OCLN: variants seen among roughly 807,000 people sequenced by gnomAD.
OCLN encodes phosphatase 1, regulatory subunit 115.
In OCLN, 21 loss-of-function variants were observed where a neutral mutation model predicts 47.9. The ratio of observed to expected loss-of-function variants is 0.44; its 90% confidence interval spans 0.31 to 0.63. OCLN has a LOEUF of 0.63. Among genes scored for constraint, OCLN ranks in the 30% least tolerant of loss-of-function variants. OCLN has a pLI of 0.08. For synonymous variants in OCLN, 117 were observed against 198.4 expected, an observed-to-expected ratio of 0.59 and a Z score of 3.45; for missense variants, 360 against 571.0, an observed-to-expected ratio of 0.63 and a Z score of 3.77.
chr5:69,503,957 A>G (rs941691843), intron 1 of OCLN, among the ~76,000 whole-genome samples: 1 of 152,142 alleles, frequency 6.6e-6, no homozygotes, highest in Middle Eastern at 3.2e-3. Flanking sequence ...GGAATTAGCC[A>G]GGCATGGTGG....
At chr5:69,525,943 G>A (rs935402554) in intron 4 of OCLN, among the ~76,000 whole-genome samples, 10 of 152,234 alleles carry the variant, frequency 6.6e-5, no homozygotes, top group South Asian at 4.1e-4. Context: ...CCTTCTCACC[G>A]TTTTTCTAGG....
chr5:69,533,971 A>G (rs934520378), intron 4 of OCLN, among the ~76,000 whole-genome samples: 1 of 152,032 alleles, frequency 6.6e-6, no homozygotes, highest in Non-Finnish European at 1.5e-5. Context: ...ATTAAGGCAT[A>G]ATTTCTAATG....
intron 1 of OCLN, among the ~76,000 whole-genome samples, chr5:69,502,823 G>A (rs950937385): frequency 2.0e-5 from 3 of 152,038 alleles, no homozygotes; most frequent in East Asian, 1.9e-4. Flanking sequence ...ATCCACCTAC[G>A]GACGTAGGCA....
At chr5:69,517,349 C>T (rs962827392) in intron 4 of OCLN, among the ~76,000 whole-genome samples, 12 of 147,200 alleles carry the variant, frequency 8.2e-5, no homozygotes, top group Admixed American at 4.8e-4. Context: ...CTGGCTCTGT[C>T]GTTCAGGCTG....
rs181029911 is a variant in OCLN at position 69,499,140 on chromosome 5, G to A, written c.-68-5037G>A. On this transcript the variant is annotated intron_variant, in intron 1 of 8. Transcript: ENST00000396442. The stretch of plus-strand genomic sequence containing the variant: ...TACTCAGGCTGGAGTATAGTGGCAT[G>A]ATCACTCCAGCCTCAACTTCCTCTG... Among the ~76,000 whole-genome samples, 83 of 152,250 alleles carry A rather than the reference G, an allele frequency of 5.5e-4. No homozygotes were observed. In the East Asian group the frequency reaches 0.016, roughly 29 times the overall value.
intron 4 of OCLN, among the ~76,000 whole-genome samples, chr5:69,518,478 TTGCCTTTC>T (rs1769038544): frequency 6.6e-6 from 1 of 152,200 alleles, no homozygotes; most frequent in South Asian, 2.1e-4. Context: ...CACAGATATT[TTGCCTTTC>T]TTTCTATTCT....
chr5:69,528,198 G>A (rs1038647359), intron 4 of OCLN, among the ~76,000 whole-genome samples: 1 of 152,078 alleles, frequency 6.6e-6, no homozygotes, highest in Admixed American at 6.6e-5. Flanking sequence ...GGAAAAACGA[G>A]TTAGACCACT....
chr5:69,522,158 T>C (rs776066193), intron 4 of OCLN, among the ~76,000 whole-genome samples: 2 of 152,296 alleles, frequency 1.3e-5, no homozygotes, highest in Non-Finnish European at 2.9e-5. Flanking sequence ...TATGTACTTA[T>C]ATTTCCTGTC....
intron 4 of OCLN, among the ~76,000 whole-genome samples, chr5:69,532,828 C>T (rs562901462): frequency 6.6e-6 from 1 of 151,912 alleles, no homozygotes; most frequent in South Asian, 2.1e-4. Context: ...ATTAGCCGGG[C>T]ATGTTGGTGG....
chr5:69,536,157 A>G (rs1373330528), intron 5 of OCLN, among the ~76,000 whole-genome samples: 1 of 152,196 alleles, frequency 6.6e-6, no homozygotes, highest in Non-Finnish European at 1.5e-5. Flanking sequence ...TACATCTTGT[A>G]AGGCACTTAC....
At chr5:69,534,950 A>G (rs1769542061) in intron 5 of OCLN, 111 bp downstream of exon 5, 11 of 928,432 alleles carry the variant, frequency 1.2e-5, no homozygotes, top group Non-Finnish European at 1.9e-5. Context: ...TGCACACAAA[A>G]GCTGGATCTG....
At chr5:69,500,511 C>T (rs1768427996) in intron 1 of OCLN, among the ~76,000 whole-genome samples, 1 of 151,760 alleles carries the variant, frequency 6.6e-6, no homozygotes, top group Admixed American at 6.6e-5. Context: ...AGCAATTCTG[C>T]TACCTCAGCC....
At position 69,514,116 on chromosome 5, in the gene OCLN, G is replaced by C; in HGVS notation, c.891+7G>C. 1 of 1,613,200 alleles carries C rather than the reference G, an allele frequency of 6.2e-7. No individual in the cohort carries two copies. ...CCCCAATGTCGAGGAGTGGGTAAGT[G>C]TTAAAAAATAACTTTACATCTTTTA... is the stretch of plus-strand genomic sequence containing the variant. On this transcript the variant is annotated splice_region_variant and intron_variant, in intron 4 of 8. Coordinates refer to ENST00000396442, the MANE Select transcript of OCLN (RefSeq NM_001205254.2).
intron 4 of OCLN, among the ~76,000 whole-genome samples, chr5:69,517,765 TC>T (rs749077928): frequency 9.9e-5 from 15 of 152,252 alleles, no homozygotes; most frequent in Admixed American, 2.0e-4. Flanking sequence ...AGTTCTTATG[TC>T]CCTGCCCTTG....
At chr5:69,497,646 G>T (rs1768335189) in intron 1 of OCLN, among the ~76,000 whole-genome samples, 4 of 152,038 alleles carry the variant, frequency 2.6e-5, no homozygotes, top group Admixed American at 2.6e-4. Flanking sequence ...CTCCCAAAGT[G>T]CTGGGATTAC....
chr5:69,522,201 A>G (rs552794570), intron 4 of OCLN, among the ~76,000 whole-genome samples: 1 of 152,222 alleles, frequency 6.6e-6, no homozygotes, highest in South Asian at 2.1e-4. Context: ...TTGTTCCTAG[A>G]GAGTTTTACA....
At chr5:69,492,934 G>T (rs1182980693) in intron 1 of OCLN, 34 bp downstream of exon 1, 2 of 152,396 alleles carry the variant, frequency 1.3e-5, no homozygotes, top group African/African-American at 4.8e-5. Flanking sequence ...GGGCGCACGG[G>T]AGCCCGAGGG....
intron 4 of OCLN, among the ~76,000 whole-genome samples, chr5:69,516,315 C>T (rs1190981306): frequency 4.6e-5 from 7 of 152,238 alleles, no homozygotes; most frequent in Non-Finnish European, 7.3e-5. Context: ...GCCAACACAG[C>T]GAAACCCCGT....
At chr5:69,523,137 AT>A (rs751688528) in intron 4 of OCLN, among the ~76,000 whole-genome samples, 17 of 152,116 alleles carry the variant, frequency 1.1e-4, no homozygotes, top group Admixed American at 3.3e-4. Flanking sequence ...CTTTATTCAT[AT>A]TGAGATGCTT....
Sources: gnomAD v4.1 joint callset for allele counts (sites outside exome capture counted in the v4.1 genomes callset) on GRCh38, gnomAD v4.1.1 for gene constraint, MANE v1.5 for transcripts, NCBI Gene and HGNC (gene_info 2026-07-23, HGNC 2026-07-21) for gene names.